The following SP110 variants were observed in gnomAD, a reference collection of about 807,000 sequenced individuals.
SP110 encodes the protein SP110 nuclear body protein.
In SP110, 62 loss-of-function variants were observed where a neutral mutation model predicts 92.7. The ratio of observed to expected loss-of-function variants is 0.67; its 90% CI spans 0.55 to 0.83. The LOEUF (loss-of-function observed/expected upper bound fraction) is 0.83. Among genes scored for constraint, SP110 ranks in the 40% least tolerant of loss-of-function variants. SP110 has a pLI of 0.00. For missense variants in SP110, 793 were observed against 863.9 expected (o/e 0.92, Z 1.03); for synonymous variants, 273 against 305.3 (o/e 0.89, Z 1.10).
intron 9 of SP110, among the ~76,000 whole-genome samples, chr2:230,201,229 C>A (rs2043155759): frequency 6.6e-6 from 1 of 152,226 alleles, no homozygotes; most frequent in African/African-American, 2.4e-5. Context: ...CCATCTGAAC[C>A]CCTTGGCCAG....
upstream of SP110, chr2:230,221,812 A>AAAAC (rs1470762361): frequency 1.6e-6 from 2 of 1,235,414 alleles, no homozygotes; most frequent in Non-Finnish European, 2.3e-6. Context: ...AGGCAAATGC[A>AAAAC]AAACAAACAA....
Position 230,169,096 on chromosome 2 carries a change from G to A in SP110, c.*28C>T, listed in dbSNP as rs1450733360. 7.1e-7 allele frequency: 1 copy of A among 1,406,674 alleles called. No individual in the cohort carries two copies. Among genetic ancestry groups the A allele is most frequent in the African/African-American group, 1.4e-5 (1 of 70,784 alleles). The allele number at this position is 1,406,674 out of a possible 1,614,324, so 87.1% of individuals were successfully genotyped here. On this transcript the variant is annotated 3_prime_UTR_variant, in exon 19 of 19. Coordinates refer to ENST00000258381, the MANE Select transcript of SP110 (RefSeq NM_080424.4). ...GTCCCATCAGCTGAATCCTGAGGTG[G>A]GGATGCTTCAGTCTTTACAGAACAG...
intron 15 of SP110, chr2:230,172,520 G>A: frequency 1.9e-6 from 1 of 527,524 alleles, no homozygotes; most frequent in Non-Finnish European, 3.4e-6. Flanking sequence ...AGCCAGGTGA[G>A]ACTATGGTGA....
upstream of SP110, among the ~76,000 whole-genome samples, chr2:230,221,248 T>C (rs911379761): frequency 5.6e-5 from 8 of 144,070 alleles, no homozygotes; most frequent in East Asian, 1.6e-3. Flanking sequence ...ACCACTGCAC[T>C]CCAGCCTGGG....
chr2:230,186,035 T>G lies in SP110; in HGVS notation c.1238A>C (p.Gln413Pro). 1 of 1,614,198 alleles carries G rather than the reference T, an allele frequency of 6.2e-7. No homozygotes were observed. The highest frequency in any genetic ancestry group is 8.5e-7 in the Non-Finnish European group (1 of 1,180,010). ...TCGGGCACATTTAGTTCTTGCCTTT[T>G]GGACCCTCATCATGACCTCTGAGTT... is the stretch of plus-strand genomic sequence containing the variant. ...TWNSEVMMRVQKARTKCARKS... is the reference protein window; with the variant it reads ...TWNSEVMMRVPKARTKCARKS... The change falls in exon 11 of 19, where the codon CAA becomes CCA. Residue 413 changes from glutamine to proline, a missense_variant. Gln to Pro is a moderately conservative substitution (Grantham distance 76, BLOSUM62 -1). Transcript: ENST00000258381.
At chr2:230,223,657 T>TA (rs1213849682), upstream of SP110, among the ~76,000 whole-genome samples, 1 of 152,152 alleles carries the variant, frequency 6.6e-6, no homozygotes, top group Non-Finnish European at 1.5e-5. Flanking sequence ...TAATTGGACA[T>TA]AAAAACAGTG....
At chr2:230,221,472 A>G (rs1213982406), upstream of SP110, among the ~76,000 whole-genome samples, 1 of 152,170 alleles carries the variant, frequency 6.6e-6, no homozygotes, top group Non-Finnish European at 1.5e-5. Context: ...CTATGCAGGC[A>G]CAAACAGCAT....
chr2:230,214,403 C>T (rs567910039), intron 3 of SP110, among the ~76,000 whole-genome samples: 1 of 152,284 alleles, frequency 6.6e-6, no homozygotes, highest in Non-Finnish European at 1.5e-5. Flanking sequence ...CCAAGTAGGA[C>T]TCTTGCTCTG....
At chr2:230,208,634 G>A (rs944717838) in intron 7 of SP110, among the ~76,000 whole-genome samples, 1 of 152,158 alleles carries the variant, frequency 6.6e-6, no homozygotes, top group South Asian at 2.1e-4. Flanking sequence ...GGGGTCAGAG[G>A]TTTGAAAAAT....
chr2:230,201,756 G>C (rs530304132), intron 9 of SP110, among the ~76,000 whole-genome samples: 60 of 152,292 alleles, frequency 3.9e-4, no homozygotes, highest in African/African-American at 1.3e-3. Context: ...TCTTGCATTA[G>C]TAGAAGGTCC....
At chr2:230,185,023 T>C (rs2042293441) in intron 11 of SP110, among the ~76,000 whole-genome samples, 1 of 152,226 alleles carries the variant, frequency 6.6e-6, no homozygotes, top group Admixed American at 6.5e-5. Flanking sequence ...TTGCATCTTC[T>C]GGTCCTTTTT....
chr2:230,192,847 G>A (rs893061030), intron 10 of SP110, among the ~76,000 whole-genome samples: 2 of 152,164 alleles, frequency 1.3e-5, no homozygotes, highest in African/African-American at 4.8e-5. Flanking sequence ...GTAATCTTCT[G>A]TAAATATCTA....
chr2:230,212,927 C>A lies in SP110; in HGVS notation c.417G>T (p.Leu139=), dbSNP rs769837823. The change falls in exon 4 of 19, where the codon CTG becomes CTT. Residue 139 remains leucine, a synonymous_variant. Transcript: ENST00000258381. ...TTGGTTGAGGGGGTTGTGGTGGGGG[C>A]AGCGCCAGTGGGGTATGGAGGGAGC... ...EGSSLHTPLA[L]PPPQPPQPSC... The A allele has an allele frequency of 6.2e-7, 1 of 1,613,862 alleles. No individual in the cohort carries two copies. The highest frequency in any genetic ancestry group is 1.3e-5 in the African/African-American group (1 of 74,848).
At chr2:230,198,970 A>C (rs1383652453) in intron 10 of SP110, among the ~76,000 whole-genome samples, 1 of 151,976 alleles carries the variant, frequency 6.6e-6, no homozygotes, top group East Asian at 1.9e-4. Context: ...TTTAGCTGGA[A>C]CATAGACATG....
chr2:230,216,370 A>C (rs2045175053), intron 2 of SP110, among the ~76,000 whole-genome samples: 1 of 152,184 alleles, frequency 6.6e-6, no homozygotes, highest in Non-Finnish European at 1.5e-5. Context: ...AGAGATGAAA[A>C]CATATCAGAG....
At chr2:230,214,251 C>T (rs2148935255) in intron 3 of SP110, 1 of 152,400 alleles carries the variant, frequency 6.6e-6, no homozygotes, top group East Asian at 1.9e-4. Flanking sequence ...CTTTCTCAGA[C>T]CCTCTCTTTC....
At position 230,165,331 on chromosome 2, in the gene SP110, T is replaced by C. The variant is rs2078295904; in HGVS notation, c.*3793A>G. Among the ~76,000 whole-genome samples the C allele has an allele frequency of 6.6e-6, 1 of 152,226 alleles. No homozygotes were observed. Among genetic ancestry groups the C allele is most frequent in the Non-Finnish European group, 1.5e-5 (1 of 68,044 alleles). On this transcript the variant is annotated 3_prime_UTR_variant, in exon 19 of 19. Coordinates refer to ENST00000258381, the MANE Select transcript of SP110 (RefSeq NM_080424.4). ...TACTTAAAGACACACTTCAGTTGAC[T>C]GAAAGGCAGAGCAAAAAGGAAGTAT...
At chr2:230,177,248 T>C (rs1193296061) in intron 14 of SP110, 1 of 437,762 alleles carries the variant, frequency 2.3e-6, no homozygotes, top group African/African-American at 2.0e-5. Flanking sequence ...GTTGCAGGCA[T>C]CTGTCTTCAG....
At chr2:230,170,322 T>G (rs2078401333) in intron 18 of SP110, among the ~76,000 whole-genome samples, 1 of 152,060 alleles carries the variant, frequency 6.6e-6, no homozygotes, top group Non-Finnish European at 1.5e-5. Flanking sequence ...CCTTCCAGTT[T>G]GAACAAAGAG....
Sources: gnomAD v4.1 joint callset for allele counts (sites outside exome capture counted in the v4.1 genomes callset) on GRCh38, gnomAD v4.1.1 for gene constraint, MANE v1.5 for transcripts, NCBI Gene and HGNC (gene_info 2026-07-23, HGNC 2026-07-21) for gene names.